RASGRF2: variants seen among roughly 807,000 people sequenced by gnomAD.
RASGRF2 encodes ras-specific guanine nucleotide-releasing factor 2.
A neutral mutation model predicts 151.0 loss-of-function variants in RASGRF2; 76 were observed. The ratio of observed to expected loss-of-function variants is 0.50; its 90% CI spans 0.42 to 0.61. RASGRF2 has a LOEUF of 0.61. Among genes scored for constraint, RASGRF2 ranks in the 20% least tolerant of loss-of-function variants. RASGRF2 has a pLI of 0.00. For synonymous variants in RASGRF2, 504 were observed against 566.5 expected (o/e 0.89, Z 1.57); for missense variants, 1,148 against 1,564.6 (o/e 0.73, Z 4.49).
intron 13 of RASGRF2, 69 bp downstream of exon 13, chr5:81,109,147 A>G (rs920091157): frequency 6.5e-7 from 1 of 1,547,496 alleles, no homozygotes; most frequent in Non-Finnish European, 8.8e-7. Flanking sequence ...AAAACCTTGA[A>G]TAAAATACTG....
At chr5:81,078,238 A>G (rs1341558368) in intron 5 of RASGRF2, among the ~76,000 whole-genome samples, 1 of 152,194 alleles carries the variant, frequency 6.6e-6, no homozygotes, top group Non-Finnish European at 1.5e-5. Flanking sequence ...AACATTTATC[A>G]TTTCTTTTGT....
intron 22 of RASGRF2, among the ~76,000 whole-genome samples, chr5:81,211,972 TGGG>T (rs1755639136): frequency 6.6e-6 from 1 of 152,218 alleles, no homozygotes; most frequent in Non-Finnish European, 1.5e-5. Context: ...CACACACTGT[TGGG>T]GGCCAAGGAG....
At chr5:81,137,750 T>A (rs1753787325) in intron 17 of RASGRF2, among the ~76,000 whole-genome samples, 1 of 152,250 alleles carries the variant, frequency 6.6e-6, no homozygotes, top group Admixed American at 6.5e-5. Context: ...CTCTGAGATC[T>A]GGACTTCTAG....
At chr5:81,057,586 C>T (rs1168362731) in intron 2 of RASGRF2, among the ~76,000 whole-genome samples, 2 of 151,894 alleles carry the variant, frequency 1.3e-5, no homozygotes, top group Non-Finnish European at 2.9e-5. Context: ...TACATATTTA[C>T]GAGGTACAAG....
intron 1 of RASGRF2, among the ~76,000 whole-genome samples, chr5:80,964,938 CAT>C (rs1201416665): frequency 6.6e-6 from 1 of 151,974 alleles, no homozygotes; most frequent in Non-Finnish European, 1.5e-5. Context: ...GGAGAAGACA[CAT>C]AGCAAAAAAG....
intron 1 of RASGRF2, among the ~76,000 whole-genome samples, chr5:80,981,355 A>G (rs1429878904): frequency 1.3e-5 from 2 of 152,000 alleles, no homozygotes; most frequent in Admixed American, 6.6e-5. Context: ...GTACTTTCTG[A>G]TAGCTTAAAA....
chr5:81,008,031 C>G (rs1249425392), intron 1 of RASGRF2, among the ~76,000 whole-genome samples: 1 of 151,512 alleles, frequency 6.6e-6, no homozygotes, highest in African/African-American at 2.4e-5. Flanking sequence ...TCTGATAGGC[C>G]AAAATTGCAC....
At chr5:81,046,638 G>A (rs1160546026) in intron 2 of RASGRF2, among the ~76,000 whole-genome samples, 1 of 151,992 alleles carries the variant, frequency 6.6e-6, no homozygotes, top group Non-Finnish European at 1.5e-5. Context: ...CTTATTTTAT[G>A]TGGTTGCTAC....
At chr5:81,047,284 G>A (rs1424450657) in intron 2 of RASGRF2, among the ~76,000 whole-genome samples, 1 of 152,218 alleles carries the variant, frequency 6.6e-6, no homozygotes, top group Non-Finnish European at 1.5e-5. Context: ...TGAGTATCCA[G>A]GGGGCTGATA....
intron 1 of RASGRF2, among the ~76,000 whole-genome samples, chr5:80,989,970 G>A (rs1241648033): frequency 1.3e-5 from 2 of 152,148 alleles, no homozygotes; most frequent in African/African-American, 2.4e-5. Context: ...TATTGGACTC[G>A]AGAATTCCTC....
intron 15 of RASGRF2, among the ~76,000 whole-genome samples, chr5:81,115,587 G>C (rs1320944388): frequency 6.6e-6 from 1 of 152,108 alleles, no homozygotes; most frequent in Non-Finnish European, 1.5e-5. Flanking sequence ...AGATAAGTCG[G>C]GATTCTCTCT....
intron 23 of RASGRF2, among the ~76,000 whole-genome samples, chr5:81,214,979 T>C (rs1755702330): frequency 6.6e-6 from 1 of 152,236 alleles, no homozygotes. Context: ...TGTGCTTTAG[T>C]CATTTGGAGA....
At chr5:81,129,142 A>G (rs1753549615) in intron 17 of RASGRF2, among the ~76,000 whole-genome samples, 1 of 152,224 alleles carries the variant, frequency 6.6e-6, no homozygotes, top group Non-Finnish European at 1.5e-5. Flanking sequence ...GTAAATAAGT[A>G]AATAAATAAA....
intron 10 of RASGRF2, 136 bp downstream of exon 10, chr5:81,093,097 T>C (rs1480620521): frequency 5.3e-5 from 49 of 920,906 alleles, no homozygotes; most frequent in Non-Finnish European, 6.6e-5. Context: ...TGAGGTAATG[T>C]ACTGTTACCA....
chr5:81,110,910 T>A (rs1752974641), intron 13 of RASGRF2, among the ~76,000 whole-genome samples: 1 of 152,168 alleles, frequency 6.6e-6, no homozygotes, highest in Admixed American at 6.5e-5. Flanking sequence ...AGATCAGTAA[T>A]GTAACTCAAG....
chr5:81,147,738 A>G (rs1000226209), intron 17 of RASGRF2, among the ~76,000 whole-genome samples: 3 of 152,196 alleles, frequency 2.0e-5, no homozygotes, highest in African/African-American at 4.8e-5. Flanking sequence ...TTACCTGCCT[A>G]TAATCCTCCT....
intron 17 of RASGRF2, among the ~76,000 whole-genome samples, chr5:81,134,321 A>G (rs974635985): frequency 1.6e-4 from 24 of 152,116 alleles, no homozygotes; most frequent in Non-Finnish European, 2.8e-4. Context: ...ATTAATTTAC[A>G]TATTCAGTGT....
intron 1 of RASGRF2, among the ~76,000 whole-genome samples, chr5:80,981,840 A>C (rs969698707): frequency 7.2e-5 from 11 of 152,156 alleles, no homozygotes; most frequent in African/African-American, 2.4e-4. Flanking sequence ...ATTCTTTAGG[A>C]GGTGTCCCAG....
chr5:81,001,329 T>C (rs1368947574), intron 1 of RASGRF2, among the ~76,000 whole-genome samples: 2 of 152,190 alleles, frequency 1.3e-5, no homozygotes, highest in Non-Finnish European at 2.9e-5. Context: ...GTTGCCTTTG[T>C]TAGGCTTCTT....
Sources: allele counts gnomAD v4.1 joint callset (sites outside exome capture counted in the v4.1 genomes callset), GRCh38; gene constraint gnomAD v4.1.1; transcripts MANE v1.5; gene names NCBI Gene and HGNC (gene_info 2026-07-23, HGNC 2026-07-21).